The following TMEM94 variants were observed in gnomAD, a reference collection of about 807,000 sequenced individuals.
The protein encoded by TMEM94 is transmembrane protein 94, also known as ER Mg2+ ATPase.
In TMEM94, 81 loss-of-function variants were observed where a neutral mutation model predicts 158.6. The ratio of observed to expected loss-of-function variants is 0.51; its 90% CI spans 0.43 to 0.61. The LOEUF (loss-of-function observed/expected upper bound fraction) is 0.61, where lower values mean the gene tolerates loss of function less well. TMEM94 is among the 20% of genes least tolerant of loss of function. The pLI, the probability that TMEM94 is intolerant of heterozygous loss-of-function variation, is 0.00. For missense variants in TMEM94, 1,435 were observed against 1,762.0 expected (o/e 0.81, Z 3.32); for synonymous variants, 751 against 730.7 (o/e 1.03, Z -0.45).
rs557746506 is a variant in TMEM94 at position 75,495,289 on chromosome 17, C to A, written c.2734C>A (p.Arg912=). 6.2e-7 allele frequency: 1 copy of A among 1,607,234 alleles called. No individual in the cohort carries two copies. Among genetic ancestry groups the A allele is most frequent in the Non-Finnish European group, 8.5e-7 (1 of 1,175,474 alleles). ...AGAGGCTTTTGTCCCCACAGTGTCC[C>A]GAGATGATGCAGAAGGGCTCCTCCT... ...SLHDDLNQVS[R]DDAEGLLLME... is the part of the protein sequence containing the mutation. The change falls in exon 21 of 32, where the codon CGA becomes AGA. Residue 912 remains arginine, a synonymous_variant. Coordinates refer to ENST00000314256, the MANE Select transcript of TMEM94 (RefSeq NM_014738.6). The surrounding 1 kb of genome is among the most constrained non-coding windows in gnomAD (Gnocchi z 5.6).
rs937960941 is a variant in TMEM94 at position 75,495,423 on chromosome 17, C to A, written c.2844+24C>A. 1.3e-6 allele frequency: 2 copies of A among 1,599,404 alleles called. No homozygotes were observed. Among genetic ancestry groups the A allele is most frequent in the Non-Finnish European group, 1.7e-6 (2 of 1,167,326 alleles). On this transcript the variant is annotated intron_variant, in intron 21 of 31. Transcript: ENST00000314256. This position sits in a 1 kb window ranked among gnomAD's most constrained non-coding sequence, Gnocchi z 5.6. ...GGGTACGATGGCAGGATCTGTCTCACGTGTTCCTGTAGTGGTCCCATAGCT... is the reference window on the plus strand; with the variant it reads ...GGGTACGATGGCAGGATCTGTCTCAAGTGTTCCTGTAGTGGTCCCATAGCT...
chr17:75,468,354 T>C (rs2050379439), intron 1 of TMEM94, among the ~76,000 whole-genome samples: 1 of 152,194 alleles, frequency 6.6e-6, no homozygotes, highest in Admixed American at 6.5e-5. Context: ...TGATTTTGCC[T>C]TTGCAGCGTT....
chr17:75,496,090 T>C lies in TMEM94; in HGVS notation c.3053+16T>C. 6.3e-7 allele frequency: 1 copy of C among 1,593,884 alleles called. No individual in the cohort carries two copies. The highest frequency in any genetic ancestry group is 8.6e-7 in the Non-Finnish European group (1 of 1,169,062). On this transcript the variant is annotated intron_variant, in intron 23 of 31. Coordinates refer to ENST00000314256, the MANE Select transcript of TMEM94 (RefSeq NM_014738.6). ...GCGACATCAGGTCAGGGCGGGACCCTGGAGCCTGCGGGCCAGCCTCTACCT... is the reference window on the plus strand; with the variant it reads ...GCGACATCAGGTCAGGGCGGGACCCCGGAGCCTGCGGGCCAGCCTCTACCT...
chr17:75,493,091 A>C lies in TMEM94; in HGVS notation c.2075A>C (p.Asp692Ala). The change falls in exon 16 of 32, where the codon GAC becomes GCC. Residue 692 changes from aspartate to alanine, a missense_variant. This residue lies in a region of TMEM94 where 1,051 missense variants were observed against 1,254.4 expected (regional missense o/e 0.84). Coordinates refer to ENST00000314256, the MANE Select transcript of TMEM94 (RefSeq NM_014738.6). Reference protein sequence around the residue: ...LSHMISLFIKDTTTSTEQMLS... With the variant: ...LSHMISLFIKATTTSTEQMLS... ...CACATGATCAGCCTCTTCATTAAAG[A>C]CACCACCACCAGTGAGCCCTGGCTA... is the stretch of plus-strand genomic sequence containing the variant. The C allele has an allele frequency of 6.2e-7, 1 of 1,613,050 alleles. No homozygotes were observed. Among genetic ancestry groups the C allele is most frequent in the South Asian group, 1.1e-5 (1 of 91,080 alleles).
At chr17:75,494,239 G>A (rs2052479553) in intron 18 of TMEM94, among the ~76,000 whole-genome samples, 1 of 152,220 alleles carries the variant, frequency 6.6e-6, no homozygotes, top group Non-Finnish European at 1.5e-5. Flanking sequence ...GGATCAGACA[G>A]GAGATCAGGT....
intron 1 of TMEM94, among the ~76,000 whole-genome samples, chr17:75,469,571 C>G (rs2050424303): frequency 6.6e-6 from 1 of 151,498 alleles, no homozygotes; most frequent in Non-Finnish European, 1.5e-5. Flanking sequence ...TCTGGAACTC[C>G]TGACCTCAAG....
At position 75,488,063 on chromosome 17, in the gene TMEM94, C is replaced by T. The variant is rs1367135851; in HGVS notation, c.541C>T (p.Leu181=). 1 of 1,614,112 alleles carries T rather than the reference C, an allele frequency of 6.2e-7. No homozygotes were observed. Among genetic ancestry groups the T allele is most frequent in the Non-Finnish European group, 8.5e-7 (1 of 1,180,042 alleles). The stretch of plus-strand genomic sequence containing the variant: ...ACACCTGGTCAACCTGCCAGTCAGC[C>T]TGCTGGTTGAAGGAGACATCATAGC... The part of the protein sequence containing the change: ...DGHLVNLPVS[L]LVEGDIIALR... The change falls in exon 6 of 32, where the codon CTG becomes TTG. Residue 181 remains leucine, a synonymous_variant. Transcript: ENST00000314256.
rs569124244 is a variant in TMEM94 at position 75,494,005 on chromosome 17, C to T, written c.2407+89C>T. ...AGCAGGGAGGGCGTCTGGAGGGCCC[C>T]GGCACCCCCCACAGCAAAGGGGGCA... On this transcript the variant is annotated intron_variant, in intron 18 of 31. Coordinates refer to ENST00000314256, the MANE Select transcript of TMEM94 (RefSeq NM_014738.6). 7.3e-5 allele frequency: 94 copies of T among 1,285,230 alleles called. 2 individuals carry two copies. Among genetic ancestry groups the T allele is most frequent in the South Asian group, 3.9e-4 (29 of 74,894 alleles). The allele number at this position is 1,285,230 out of a possible 1,614,324, so 79.6% of individuals were successfully genotyped here.
At chr17:75,464,610 C>T (rs767913169) in intron 1 of TMEM94, among the ~76,000 whole-genome samples, 20 of 75,886 alleles carry the variant, frequency 2.6e-4, no homozygotes, top group African/African-American at 9.7e-4. Flanking sequence ...TTCTTTCCTT[C>T]CTTTCTTTCT....
chr17:75,463,028 AAAAAAAAAAATATATATATAT>A (rs2050134544), intron 1 of TMEM94, among the ~76,000 whole-genome samples: 1 of 11,642 alleles, frequency 8.6e-5, no homozygotes. Context: ...AAAAAAAAAA[AAAAAAAAAAATATATATATAT>A]ATATATATAT....
At chr17:75,467,830 C>T (rs1221553893) in intron 1 of TMEM94, among the ~76,000 whole-genome samples, 7 of 152,196 alleles carry the variant, frequency 4.6e-5, no homozygotes, top group Non-Finnish European at 1.0e-4. Context: ...CCGCGCCCGG[C>T]CCCATTTCTT....
intron 1 of TMEM94, among the ~76,000 whole-genome samples, chr17:75,465,675 A>T (rs1403645495): frequency 8.4e-4 from 65 of 77,088 alleles, no homozygotes; most frequent in Admixed American, 2.2e-3. Flanking sequence ...ATATATATAT[A>T]TATATTTTTT....
At chr17:75,479,406 G>A (rs991482965) in intron 2 of TMEM94, among the ~76,000 whole-genome samples, 5 of 152,004 alleles carry the variant, frequency 3.3e-5, no homozygotes, top group Admixed American at 6.6e-5. Context: ...TGCAACCGCC[G>A]CCTCCTGGGT....
intron 4 of TMEM94, 23 bp downstream of exon 4, chr17:75,486,021 C>A (rs768727498): frequency 2.0e-6 from 3 of 1,494,920 alleles, no homozygotes; most frequent in Non-Finnish European, 2.7e-6. Flanking sequence ...GGGCTGCTCC[C>A]CAACCTCTCC....
At chr17:75,476,507 A>G in intron 2 of TMEM94, 1 of 1,410,066 alleles carries the variant, frequency 7.1e-7, no homozygotes. Context: ...TGAATTAATC[A>G]GCAGATTGAA....
intron 1 of TMEM94, among the ~76,000 whole-genome samples, chr17:75,462,871 C>T (rs1181236607): frequency 6.8e-6 from 1 of 146,854 alleles, no homozygotes; most frequent in East Asian, 2.0e-4. Context: ...TCTGTGGTCC[C>T]AGCTACTCGG....
rs530069238 is a variant in TMEM94 at position 75,490,131 on chromosome 17, C to G, written c.955-103C>G. On this transcript the variant is annotated intron_variant, in intron 9 of 31. Transcript: ENST00000314256. ...CCTTCCTGCCCCTGAGAGAGCTGGC[C>G]CTTCCTGCCCAGGGAATGGCCGTGG... 3 of 1,499,696 alleles carry G rather than the reference C, an allele frequency of 2.0e-6. No individual in the cohort carries two copies. The East Asian group carries it at 7.0e-5, about 35-fold the overall frequency. 92.9% of individuals were successfully genotyped at this position (1,499,696 alleles called of 1,614,324 possible).
chr17:75,488,794 C>T lies in TMEM94; in HGVS notation c.648C>T (p.Leu216=), dbSNP rs2051862574. 3 of 1,613,704 alleles carry T rather than the reference C, an allele frequency of 1.9e-6. No homozygotes were observed. The highest frequency in any genetic ancestry group is 1.7e-5 in the Admixed American group (1 of 59,930). The change falls in exon 7 of 32, where the codon CTC becomes CTT. Residue 216 remains leucine (L), a synonymous_variant. Transcript: ENST00000314256. ...DEHIVLEPGD[L]FPPFSPPPSP... ...ACATCGTCCTGGAGCCGGGAGACCT[C>T]TTCCCCCCCTTCTCCCCTCCACCCT... is the stretch of plus-strand genomic sequence containing the variant.
At chr17:75,483,608 C>T (rs1327568399) in intron 2 of TMEM94, among the ~76,000 whole-genome samples, 1 of 152,022 alleles carries the variant, frequency 6.6e-6, no homozygotes, top group African/African-American at 2.4e-5. Context: ...TACATGCATG[C>T]ACCACCATGC....
Sources: allele counts gnomAD v4.1 joint callset (sites outside exome capture counted in the v4.1 genomes callset), GRCh38; gene constraint gnomAD v4.1.1; regional missense constraint gnomAD v4.1.1; non-coding constraint Gnocchi (gnomAD v3.1); transcripts MANE v1.5; gene names NCBI Gene and HGNC (gene_info 2026-07-23, HGNC 2026-07-21).